The following PROK1 variants were observed in gnomAD, a reference collection of about 807,000 sequenced individuals.
The protein encoded by PROK1 is prokineticin 1.
A neutral mutation model predicts 8.8 loss-of-function variants in PROK1; 10 were observed. The observed-to-expected ratio is 1.13, with a 90% confidence interval of 0.70 to 1.92. PROK1 has a LOEUF of 1.92. Among genes scored for constraint, PROK1 ranks in the 30% most tolerant of loss-of-function variants. PROK1 has a pLI of 0.00. For missense variants in PROK1, 140 were observed against 139.7 expected (o/e 1.00, Z -0.01); for synonymous variants, 57 against 56.0 (o/e 1.02, Z -0.08).
At chr1:110,455,071 T>C (rs562612894) in intron 2 of PROK1, among the ~76,000 whole-genome samples, 146 of 152,330 alleles carry the variant, frequency 9.6e-4, no homozygotes, top group Non-Finnish European at 1.8e-3. Context: ...TACCACACTT[T>C]ACCAGTTAAC....
intron 1 of PROK1, among the ~76,000 whole-genome samples, chr1:110,453,036 T>A (rs1015710774): frequency 1.3e-5 from 2 of 152,166 alleles, no homozygotes; most frequent in East Asian, 1.9e-4. Context: ...TCTTTCCCTC[T>A]TGGGTCTGAG....
intron 2 of PROK1, among the ~76,000 whole-genome samples, chr1:110,455,713 C>T (rs1235891393): frequency 6.6e-6 from 1 of 152,226 alleles, no homozygotes; most frequent in Non-Finnish European, 1.5e-5. Context: ...CTGATTATCA[C>T]ACAGCTGGGA....
rs1269991870 is a variant in PROK1, at chr1:110,456,709, C to T, written c.*358C>T. ...CCTGCCCCTCTCCCCACATGTATCC[C>T]TCGGTCTGAATTAGACATTCCTGGG... is the stretch of plus-strand genomic sequence containing the variant. On this transcript the variant is annotated 3_prime_UTR_variant, in exon 3 of 3. Coordinates refer to ENST00000271331, the MANE Select transcript of PROK1 (RefSeq NM_032414.3). The T allele has an allele frequency of 2.2e-5, 8 of 367,386 alleles. No individual in the cohort carries two copies. The highest frequency in any genetic ancestry group is 3.2e-5 in the Non-Finnish European group (6 of 189,428). The allele number at this position is 367,386 out of a possible 1,614,324, so 22.8% of individuals were successfully genotyped here.
chr1:110,453,856 G>A, intron 1 of PROK1, 105 bp from the exon 2 acceptor site: 1 of 1,477,570 alleles, frequency 6.8e-7, no homozygotes, highest in Non-Finnish European at 9.4e-7. Context: ...GATACTCTCA[G>A]CCTCTTCTTG....
At chr1:110,451,394 G>C (rs1664088032) in intron 1 of PROK1, 106 bp downstream of exon 1, 3 of 947,778 alleles carry the variant, frequency 3.2e-6, no homozygotes, top group Non-Finnish European at 3.4e-6. Flanking sequence ...GCTCAACACA[G>C]TGTGAACCAA....
chr1:110,455,352 C>A (rs1377498527), intron 2 of PROK1, among the ~76,000 whole-genome samples: 1 of 152,232 alleles, frequency 6.6e-6, no homozygotes, highest in South Asian at 2.1e-4. Context: ...TGCACCCCGG[C>A]TCGGTGCTCA....
At position 110,457,038 on chromosome 1, in the gene PROK1, C is replaced by G. The variant is rs916862705; in HGVS notation, c.*687C>G. On this transcript the variant is annotated 3_prime_UTR_variant, in exon 3 of 3. Transcript: ENST00000271331. ...CAGAATTGTCATGCCTCTGAGGCCC[C>G]CTCTTACCACACTTTACCAGTTAAC... is the stretch of plus-strand genomic sequence containing the variant. 2 of 155,456 alleles carry G rather than the reference C, an allele frequency of 1.3e-5. No homozygotes were observed. The highest frequency in any genetic ancestry group is 4.8e-5 in the African/African-American group (2 of 41,450). 9.6% of individuals were successfully genotyped at this position (155,456 alleles called of 1,614,324 possible). A position where few individuals can be genotyped will look rare whatever the true frequency, so the allele number is the denominator to read the frequency against.
At position 110,451,153 on chromosome 1, in the gene PROK1, G is replaced by T; in HGVS notation, c.-64G>T. On this transcript the variant is annotated 5_prime_UTR_variant, in exon 1 of 3. It adds an upstream start codon to the 5' untranslated region. Transcript: ENST00000271331. The stretch of plus-strand genomic sequence containing the variant: ...GGCCTCCCCAGCTTGCCAGGCACAA[G>T]GCTGAGCGGGAGGAAGCGAGAGGCA... The T allele has an allele frequency of 6.6e-7, 1 of 1,521,114 alleles. No individual in the cohort carries two copies. The highest frequency in any genetic ancestry group is 9.1e-7 in the Non-Finnish European group (1 of 1,095,782). 94.2% of individuals were successfully genotyped at this position (1,521,114 alleles called of 1,614,324 possible).
intron 1 of PROK1, among the ~76,000 whole-genome samples, chr1:110,452,169 C>G (rs1664097414): frequency 6.6e-6 from 1 of 152,140 alleles, no homozygotes; most frequent in Admixed American, 6.5e-5. Context: ...TCAGCCTCCA[C>G]CAGCTTTTTA....
chr1:110,455,399 C>T (rs1016142618), intron 2 of PROK1, among the ~76,000 whole-genome samples: 2 of 152,204 alleles, frequency 1.3e-5, no homozygotes, highest in Non-Finnish European at 2.9e-5. Flanking sequence ...GGTTTCTCTC[C>T]CAATCACAGC....
At chr1:110,452,476 G>A (rs1198257174) in intron 1 of PROK1, among the ~76,000 whole-genome samples, 1 of 152,262 alleles carries the variant, frequency 6.6e-6, no homozygotes, top group Non-Finnish European at 1.5e-5. Flanking sequence ...GCTGCGCGGT[G>A]AGGGCAGGAG....
At chr1:110,455,631 C>A (rs2101151309) in intron 2 of PROK1, among the ~76,000 whole-genome samples, 1 of 152,314 alleles carries the variant, frequency 6.6e-6, no homozygotes, top group South Asian at 2.1e-4. Flanking sequence ...TTTATAACCA[C>A]ATGTGGTAGG....
chr1:110,453,822 T>G, intron 1 of PROK1, 139 bp from the exon 2 acceptor site: 1 of 1,132,180 alleles, frequency 8.8e-7, no homozygotes, highest in Non-Finnish European at 1.3e-6. Context: ...GCCCAGGGTG[T>G]TCTGTTAGGC....
rs563110415 is a variant in PROK1, at chr1:110,456,623, G to C, written c.*272G>C. The C allele has an allele frequency of 2.1e-6, 1 of 481,412 alleles. No individual in the cohort carries two copies. The allele number at this position is 481,412 out of a possible 1,614,324, so 29.8% of individuals were successfully genotyped here. Reference sequence around the variant, plus strand: ...CCCTGCTCAGGCTGCCAGAGAGGTGGTAAATGGCAGAAAGGACATTCCCCC... The same window carrying C: ...CCCTGCTCAGGCTGCCAGAGAGGTGCTAAATGGCAGAAAGGACATTCCCCC... On this transcript the variant is annotated 3_prime_UTR_variant, in exon 3 of 3. Coordinates refer to ENST00000271331, the MANE Select transcript of PROK1 (RefSeq NM_032414.3).
rs1664084631 is a variant in PROK1, at chr1:110,451,227, C to T, written c.11C>T (p.Ala4Val). MRGATRVSIMLLLV... is the reference protein window; with the variant it reads MRGVTRVSIMLLLV... ...TCACCCCAAGTGACCATGAGAGGTG[C>T]CACGCGAGTCTCAATCATGCTCCTC... The change falls in exon 1 of 3, where the codon GCC becomes GTC. Residue 4 changes from alanine (A) to valine (V), a missense_variant. Physicochemically the swap from Ala to Val is moderately conservative, Grantham distance 64. Coordinates refer to ENST00000271331, the MANE Select transcript of PROK1 (RefSeq NM_032414.3). 1 of 1,614,128 alleles carries T rather than the reference C, an allele frequency of 6.2e-7. No homozygotes were observed. Among genetic ancestry groups the T allele is most frequent in the Admixed American group, 1.7e-5 (1 of 60,018 alleles).
In PROK1 at chr1:110,453,952, C is replaced by G; in HGVS notation, c.73-9C>G. 1 of 1,614,212 alleles carries G rather than the reference C, an allele frequency of 6.2e-7. No homozygotes were observed. The highest frequency in any genetic ancestry group is 8.5e-7 in the Non-Finnish European group (1 of 1,180,028). ...TAATGAACTGTTCCCTTCTCTCTCC[C>G]TCCTACAGGCCTGTGAGCGGGATGT... On this transcript the variant is annotated splice_polypyrimidine_tract_variant and intron_variant, in intron 1 of 2. Transcript: ENST00000271331.
At chr1:110,455,808 A>G (rs1664162879) in intron 2 of PROK1, among the ~76,000 whole-genome samples, 1 of 152,182 alleles carries the variant, frequency 6.6e-6, no homozygotes, top group African/African-American at 2.4e-5. Flanking sequence ...CCATTGGTTT[A>G]GCACTCCTCT....
chr1:110,454,211 G>A (rs1664135958), intron 2 of PROK1, 125 bp downstream of exon 2: 1 of 1,279,542 alleles, frequency 7.8e-7, no homozygotes, highest in Admixed American at 2.3e-5. Flanking sequence ...AGGCAGTCTA[G>A]GGAGGCTGTG....
chr1:110,455,747 C>T (rs1197811028), intron 2 of PROK1, among the ~76,000 whole-genome samples: 1 of 152,178 alleles, frequency 6.6e-6, no homozygotes, highest in Non-Finnish European at 1.5e-5. Flanking sequence ...GGATTTGAAC[C>T]CAGGCAGTCT....
Sources: allele counts gnomAD v4.1 joint callset (sites outside exome capture counted in the v4.1 genomes callset), GRCh38; gene constraint gnomAD v4.1.1; transcripts MANE v1.5; gene names NCBI Gene and HGNC (gene_info 2026-07-23, HGNC 2026-07-21).